The following ZNF438 variants were observed in gnomAD, a reference collection of about 807,000 sequenced individuals.
ZNF438 encodes the protein zinc finger protein 438.
Under a neutral mutation model 38.0 loss-of-function variants are expected in ZNF438, and 25 were observed. The ratio of observed to expected loss-of-function variants is 0.66; its 90% CI spans 0.48 to 0.92. ZNF438 has a LOEUF of 0.92. Among genes scored for constraint, ZNF438 ranks in the 40% least tolerant of loss-of-function variants. ZNF438 has a pLI of 0.00. For missense variants in ZNF438, 1,007 were observed against 999.6 expected, an observed-to-expected ratio of 1.01 and a Z score of -0.10; for synonymous variants, 372 against 364.1, an observed-to-expected ratio of 1.02 and a Z score of -0.25.
intron 3 of ZNF438, among the ~76,000 whole-genome samples, chr10:30,884,106 T>C (rs1399599089): frequency 6.6e-6 from 1 of 151,414 alleles, no homozygotes; most frequent in Non-Finnish European, 1.5e-5. Context: ...TTTATTTTCA[T>C]TGTTTTGAAA....
intron 1 of ZNF438, among the ~76,000 whole-genome samples, chr10:30,953,613 G>C (rs915376687): frequency 3.3e-5 from 5 of 149,598 alleles, no homozygotes; most frequent in African/African-American, 1.2e-4. Flanking sequence ...ACGTGCACAT[G>C]TACCCTAAAA....
chr10:30,978,022 G>A (rs558801007), intron 1 of ZNF438, among the ~76,000 whole-genome samples: 25 of 151,780 alleles, frequency 1.6e-4, no homozygotes, highest in Non-Finnish European at 2.9e-4. Flanking sequence ...TGGTATGTTG[G>A]TATGTCTTCT....
chr10:30,932,709 C>T (rs940934917), intron 2 of ZNF438, among the ~76,000 whole-genome samples: 3 of 152,192 alleles, frequency 2.0e-5, no homozygotes, highest in African/African-American at 7.2e-5. Flanking sequence ...ATGTTGAAGT[C>T]CTAACCCCCA....
At chr10:30,890,613 C>G (rs1408908086) in intron 3 of ZNF438, among the ~76,000 whole-genome samples, 1 of 152,176 alleles carries the variant, frequency 6.6e-6, no homozygotes, top group Admixed American at 6.5e-5. Flanking sequence ...AATTGTCTTC[C>G]TGCCTCCAGT....
intron 4 of ZNF438, among the ~76,000 whole-genome samples, chr10:30,873,240 G>C (rs2133529696): frequency 6.6e-6 from 1 of 152,202 alleles, no homozygotes; most frequent in Middle Eastern, 3.4e-3. Flanking sequence ...AACAAAATAA[G>C]TCTCATGAAC....
intron 2 of ZNF438, among the ~76,000 whole-genome samples, chr10:30,921,597 T>C (rs1053691065): frequency 2.6e-5 from 4 of 152,200 alleles, no homozygotes; most frequent in Non-Finnish European, 5.9e-5. Context: ...AATGTTTAGA[T>C]TCAAGTTGTC....
chr10:30,857,942 A>G (rs2034947147), intron 4 of ZNF438, among the ~76,000 whole-genome samples: 1 of 152,378 alleles, frequency 6.6e-6, no homozygotes, highest in African/African-American at 2.4e-5. Flanking sequence ...AGATAGCTAC[A>G]AACAGCTCAC....
intron 1 of ZNF438, among the ~76,000 whole-genome samples, chr10:30,986,370 G>T (rs1291405730): frequency 6.6e-6 from 1 of 152,112 alleles, no homozygotes; most frequent in African/African-American, 2.4e-5. Context: ...TTTAAACACA[G>T]AAATCATAAG....
At chr10:30,929,496 T>C (rs1468823495) in intron 2 of ZNF438, among the ~76,000 whole-genome samples, 1 of 152,218 alleles carries the variant, frequency 6.6e-6, no homozygotes, top group Non-Finnish European at 1.5e-5. Context: ...CGGTGATTGT[T>C]ACAGCTCATA....
At chr10:31,017,240 T>C (rs116753748) in intron 1 of ZNF438, among the ~76,000 whole-genome samples, 252 of 152,380 alleles carry the variant, frequency 1.7e-3, no homozygotes, top group African/African-American at 5.7e-3. Flanking sequence ...TCATTTCAGA[T>C]TCTGTTCTCT....
intron 1 of ZNF438, among the ~76,000 whole-genome samples, chr10:30,968,667 CCCGACCTCAGGTTAT>C (rs1184591219): frequency 3.3e-5 from 5 of 152,046 alleles, no homozygotes; most frequent in African/African-American, 9.6e-5. Context: ...AGCTCAAACT[CCCGACCTCAGGTTAT>C]CCGCCCACCT....
chr10:30,871,344 T>C (rs2037377873), intron 4 of ZNF438, among the ~76,000 whole-genome samples: 1 of 152,124 alleles, frequency 6.6e-6, no homozygotes, highest in Non-Finnish European at 1.5e-5. Flanking sequence ...AAGATGACAA[T>C]ATTTTCACAG....
At chr10:30,927,359 T>C (rs1226067230) in intron 2 of ZNF438, among the ~76,000 whole-genome samples, 1 of 152,212 alleles carries the variant, frequency 6.6e-6, no homozygotes, top group East Asian at 1.9e-4. Flanking sequence ...ACAAAGGGCA[T>C]GTTCCCCAAT....
chr10:30,876,851 A>G (rs755197331), intron 4 of ZNF438, 147 bp downstream of exon 5: 4 of 522,440 alleles, frequency 7.7e-6, no homozygotes, highest in Non-Finnish European at 1.2e-5. Flanking sequence ...TTATTTACCA[A>G]AAGAAATGAG....
intron 1 of ZNF438, among the ~76,000 whole-genome samples, chr10:30,965,517 T>A (rs2050012375): frequency 6.6e-6 from 1 of 152,082 alleles, no homozygotes; most frequent in Admixed American, 6.6e-5. Context: ...AGACATGGAA[T>A]CAACCAAGGT....
chr10:30,991,908 T>C (rs779595373), intron 1 of ZNF438, among the ~76,000 whole-genome samples: 10 of 152,260 alleles, frequency 6.6e-5, no homozygotes, highest in Non-Finnish European at 1.5e-4. Flanking sequence ...TAACCTCTGA[T>C]CAAACAGTGG....
At chr10:30,920,452 G>A (rs987565142) in intron 2 of ZNF438, 2 of 152,206 alleles carry the variant, frequency 1.3e-5, no homozygotes, top group African/African-American at 4.8e-5. Flanking sequence ...TTTTCTGGAT[G>A]TCCCTAAGTT....
At chr10:30,895,237 C>T (rs748259745) in intron 3 of ZNF438, among the ~76,000 whole-genome samples, 14 of 152,234 alleles carry the variant, frequency 9.2e-5, no homozygotes, top group Non-Finnish European at 1.5e-4. Context: ...AGATCCACTC[C>T]TCCAACTGCA....
At chr10:30,964,709 T>C (rs886519577) in intron 1 of ZNF438, among the ~76,000 whole-genome samples, 3 of 152,222 alleles carry the variant, frequency 2.0e-5, no homozygotes, top group African/African-American at 7.2e-5. Flanking sequence ...CCTAAGGACT[T>C]GGGCACAGAA....
Sources: gnomAD v4.1 joint callset for allele counts (sites outside exome capture counted in the v4.1 genomes callset) on GRCh38, gnomAD v4.1.1 for gene constraint, MANE v1.5 for transcripts, NCBI Gene and HGNC (gene_info 2026-07-23, HGNC 2026-07-21) for gene names.